Variants in TANGO6 observed in about 807,000 individuals in gnomAD.
TANGO6 encodes the protein transport and golgi organization 6 homolog.
In TANGO6, 90 loss-of-function variants were observed where a neutral mutation model predicts 114.2. That is an observed-to-expected ratio of 0.79 (90% confidence interval 0.66 to 0.94). The LOEUF (loss-of-function observed/expected upper bound fraction) is 0.94. Ranked by LOEUF, TANGO6 falls within the 40% of genes least tolerant of loss-of-function variation. TANGO6 has a pLI of 0.00. For missense variants in TANGO6, 1,274 were observed against 1,315.3 expected, an observed-to-expected ratio of 0.97 and a Z score of 0.49; for synonymous variants, 477 against 509.8, an observed-to-expected ratio of 0.94 and a Z score of 0.87.
chr16:69,020,106 T>C (rs868488295), intron 15 of TANGO6, among the ~76,000 whole-genome samples: 1 of 152,126 alleles, frequency 6.6e-6, no homozygotes, highest in African/African-American at 2.4e-5. Context: ...TTATATATAT[T>C]TTTTATACAG....
chr16:68,922,887 C>T (rs1415738765), intron 12 of TANGO6, among the ~76,000 whole-genome samples: 6 of 144,230 alleles, frequency 4.2e-5, no homozygotes, highest in African/African-American at 1.0e-4. Flanking sequence ...CATCTCTTCT[C>T]TAAAGGGGAA....
intron 7 of TANGO6, among the ~76,000 whole-genome samples, chr16:68,893,994 T>C (rs1962669934): frequency 6.6e-6 from 1 of 152,142 alleles, no homozygotes; most frequent in Admixed American, 6.5e-5. Flanking sequence ...AGGAACAGCT[T>C]GTCTGTTGTG....
chr16:69,048,008 C>CT (rs1403017545), intron 17 of TANGO6, among the ~76,000 whole-genome samples: 1 of 152,126 alleles, frequency 6.6e-6, no homozygotes, highest in Non-Finnish European at 1.5e-5. Flanking sequence ...GATAAAAAGT[C>CT]TTAACATCAG....
intron 14 of TANGO6, among the ~76,000 whole-genome samples, chr16:68,939,827 G>A (rs988048688): frequency 6.6e-6 from 1 of 151,898 alleles, no homozygotes; most frequent in Non-Finnish European, 1.5e-5. Context: ...ATAATTATTT[G>A]CAACTTCACA....
intron 15 of TANGO6, among the ~76,000 whole-genome samples, chr16:69,022,309 C>G (rs149218561): frequency 3.2e-3 from 493 of 152,278 alleles, no homozygotes; most frequent in Middle Eastern, 0.01. Context: ...AATTGAGATT[C>G]TACATGCTTT....
At chr16:68,957,448 A>T (rs1341299089) in intron 14 of TANGO6, among the ~76,000 whole-genome samples, 1 of 145,790 alleles carries the variant, frequency 6.9e-6, no homozygotes, top group Non-Finnish European at 1.5e-5. Context: ...CCCAGCCTGG[A>T]GTGCAGTGGT....
chr16:68,910,940 G>A (rs948472002), intron 11 of TANGO6, among the ~76,000 whole-genome samples: 6 of 152,148 alleles, frequency 3.9e-5, no homozygotes, highest in Admixed American at 1.3e-4. Context: ...GCCTCCCATA[G>A]TGCTGGGATT....
At chr16:69,066,344 G>C (rs1279768434) in intron 17 of TANGO6, among the ~76,000 whole-genome samples, 2 of 151,988 alleles carry the variant, frequency 1.3e-5, no homozygotes, top group Non-Finnish European at 2.9e-5. Context: ...GCCCAGGTTG[G>C]AGTGCAATGG....
chr16:68,931,087 C>T (rs1963234039), intron 14 of TANGO6, among the ~76,000 whole-genome samples: 1 of 152,274 alleles, frequency 6.6e-6, no homozygotes, highest in East Asian at 1.9e-4. Flanking sequence ...AACTTGTGGG[C>T]TCCAAATCTA....
At chr16:69,079,278 C>T (rs879431364) in intron 17 of TANGO6, among the ~76,000 whole-genome samples, 8 of 151,684 alleles carry the variant, frequency 5.3e-5, no homozygotes, top group Non-Finnish European at 1.2e-4. Flanking sequence ...TGCAGTGAGC[C>T]GAGATCGCAC....
At chr16:68,886,848 C>T (rs780208277) in intron 7 of TANGO6, among the ~76,000 whole-genome samples, 10 of 151,020 alleles carry the variant, frequency 6.6e-5, no homozygotes, top group Non-Finnish European at 1.2e-4. Flanking sequence ...CACTCTGTCA[C>T]GCAGGCTGGA....
At chr16:69,070,639 AAAAAAAAC>A (rs1340996577) in intron 17 of TANGO6, among the ~76,000 whole-genome samples, 38 of 150,356 alleles carry the variant, frequency 2.5e-4, no homozygotes, top group African/African-American at 8.5e-4. Flanking sequence ...TCTCAAAAAA[AAAAAAAAC>A]AAAAAAACAC....
chr16:68,987,367 G>C (rs372541073), intron 15 of TANGO6, among the ~76,000 whole-genome samples: 1 of 152,154 alleles, frequency 6.6e-6, no homozygotes, highest in African/African-American at 2.4e-5. Context: ...TGTTGCTGTT[G>C]TTGTTGTTGT....
chr16:69,072,965 G>GAA (rs772900105), intron 17 of TANGO6, among the ~76,000 whole-genome samples: 4 of 125,978 alleles, frequency 3.2e-5, no homozygotes, highest in East Asian at 2.2e-4. Flanking sequence ...CCTCTAAAAG[G>GAA]AAAAAAAAAA....
Position 69,084,718 on chromosome 16 carries a change from G to T in TANGO6, c.*1057G>T, listed in dbSNP as rs1014260557. ...TGATGAGGCCAACCCAGAGATGCTT[G>T]ATCAGTCCTCAGCTTTGCAGGGCTA... On this transcript the variant is annotated 3_prime_UTR_variant, in exon 18 of 18. Transcript: ENST00000261778. 6.6e-6 allele frequency: 1 copy of T among 152,358 alleles called. No homozygotes were observed. The highest frequency in any genetic ancestry group is 2.4e-5 in the African/African-American group (1 of 41,460). 9.4% of individuals were successfully genotyped at this position (152,358 alleles called of 1,614,324 possible).
At chr16:68,883,664 G>A (rs765249380) in intron 7 of TANGO6, among the ~76,000 whole-genome samples, 29 of 151,978 alleles carry the variant, frequency 1.9e-4, no homozygotes, top group Non-Finnish European at 3.7e-4. Context: ...TTTCTCTTTG[G>A]TATATACCTA....
At chr16:69,078,072 G>A (rs370243362) in intron 17 of TANGO6, among the ~76,000 whole-genome samples, 9 of 152,242 alleles carry the variant, frequency 5.9e-5, no homozygotes, top group Admixed American at 3.9e-4. Context: ...AAAGAATCCC[G>A]GAGGCCAAGG....
At chr16:69,075,031 G>T (rs553082567) in intron 17 of TANGO6, among the ~76,000 whole-genome samples, 1 of 151,788 alleles carries the variant, frequency 6.6e-6, no homozygotes, top group East Asian at 1.9e-4. Flanking sequence ...TAGTAGAGAC[G>T]GGGTTTCGCC....
chr16:69,080,023 C>G (rs1440396787), intron 17 of TANGO6, among the ~76,000 whole-genome samples: 1 of 152,144 alleles, frequency 6.6e-6, no homozygotes, highest in Admixed American at 6.6e-5. Flanking sequence ...GAGTTCAAGA[C>G]CAGCCTGCGC....
Sources: allele counts gnomAD v4.1 joint callset (sites outside exome capture counted in the v4.1 genomes callset), GRCh38; gene constraint gnomAD v4.1.1; transcripts MANE v1.5; gene names NCBI Gene and HGNC (gene_info 2026-07-23, HGNC 2026-07-21).